The following ABCD3 variants were observed in gnomAD, a reference collection of about 807,000 sequenced individuals.
ABCD3 encodes ATP binding cassette subfamily D member 3.
ABCD3 carries 41 observed loss-of-function variants against 105.5 expected under a neutral mutation model. That is an observed-to-expected ratio of 0.39 (90% CI 0.30 to 0.50). The LOEUF (loss-of-function observed/expected upper bound fraction) is 0.50. ABCD3 is among the 20% of genes least tolerant of loss of function. The pLI is 0.84. For missense variants in ABCD3, 622 were observed against 806.3 expected, an observed-to-expected ratio of 0.77 and a Z score of 2.77; for synonymous variants, 258 against 269.0, an observed-to-expected ratio of 0.96 and a Z score of 0.40.
chr1:94,392,103 C>A, the ABCD3 span, among the ~76,000 whole-genome samples: 1 of 152,184 alleles, frequency 6.6e-6, no homozygotes, highest in African/African-American at 2.4e-5. Flanking sequence ...AGACCCTATT[C>A]TCCTGCCTCT....
At chr1:94,511,531 G>A (rs1650671861) in intron 21 of ABCD3, among the ~76,000 whole-genome samples, 1 of 152,060 alleles carries the variant, frequency 6.6e-6, no homozygotes, top group African/African-American at 2.4e-5. Flanking sequence ...GAATCTGAAC[G>A]TTGGCCTGCC....
At chr1:94,444,354 G>T (rs1178574911) in intron 1 of ABCD3, among the ~76,000 whole-genome samples, 4 of 132,336 alleles carry the variant, frequency 3.0e-5, no homozygotes, top group African/African-American at 1.1e-4. Flanking sequence ...AAAAAAAAAT[G>T]GAGTCCCACT....
intron 20 of ABCD3, among the ~76,000 whole-genome samples, chr1:94,504,813 T>C (rs1468926877): frequency 6.6e-6 from 1 of 152,188 alleles, no homozygotes; most frequent in Non-Finnish European, 1.5e-5. Flanking sequence ...GGTAGGAGGC[T>C]ACTTGTAGTC....
Position 94,511,332 on chromosome 1 carries a change from T to G in ABCD3, c.1846-3814T>G, listed in dbSNP as rs1363276183. On this transcript the variant is annotated intron_variant, in intron 21 of 22. Coordinates refer to ENST00000370214, the MANE Select transcript of ABCD3 (RefSeq NM_002858.4). ...TTGAATATTGTCCCCCACTCTCTTC[T>G]GGCTTGTAGGGTTTCTGCCGAGAGA... 2.0e-5 allele frequency among the ~76,000 whole-genome samples: 3 copies of G among 152,206 alleles called. No individual in the cohort carries two copies. The East Asian group carries it at 5.8e-4, about 29-fold the overall frequency.
At chr1:94,475,880 A>G (rs1397246822) in intron 7 of ABCD3, 143 bp downstream of exon 7, 1 of 670,436 alleles carries the variant, frequency 1.5e-6, no homozygotes, top group East Asian at 3.0e-5. Context: ...GAGTTGTTGT[A>G]ATAGTTTTAA....
intron 16 of ABCD3, among the ~76,000 whole-genome samples, chr1:94,497,504 T>C (rs1570820944): frequency 1.3e-5 from 2 of 152,344 alleles, no homozygotes; most frequent in Middle Eastern, 3.4e-3. Flanking sequence ...GCTAGAATTA[T>C]AGCTAAGATT....
chr1:94,439,181 G>C (rs974135428), intron 1 of ABCD3, among the ~76,000 whole-genome samples: 3 of 152,260 alleles, frequency 2.0e-5, no homozygotes, highest in South Asian at 4.1e-4. Flanking sequence ...TTGTCTGGAT[G>C]TAAAATCCTA....
chr1:94,411,378 CA>C, the ABCD3 span, among the ~76,000 whole-genome samples: 1 of 152,064 alleles, frequency 6.6e-6, no homozygotes, highest in South Asian at 2.1e-4. Flanking sequence ...AAAAGATGCT[CA>C]AAATCATTAG....
Position 94,452,984 on chromosome 1 carries a change from C to T in ABCD3, c.111-5623C>T, listed in dbSNP as rs569355982. On this transcript the variant is annotated intron_variant, in intron 1 of 22. Transcript: ENST00000370214. The stretch of plus-strand genomic sequence containing the variant: ...AACTCCTGGCCTCAAGTGATCCGCC[C>T]GCCTCTGCCTTCCAAAGCACTGGGA... 3.7e-4 allele frequency among the ~76,000 whole-genome samples: 57 copies of T among 152,260 alleles called. 1 individual carries two copies. Among genetic ancestry groups the T allele is most frequent in the Middle Eastern group, 3.4e-3 (1 of 294 alleles).
intron 21 of ABCD3, among the ~76,000 whole-genome samples, chr1:94,508,534 C>T (rs867843554): frequency 0.013 from 1,888 of 151,040 alleles, 41 homozygotes; most frequent in African/African-American, 0.044. Context: ...TGAAGAAAGT[C>T]ATTGGTAGCT....
At position 94,487,980 on chromosome 1, in the gene ABCD3, C is replaced by A. The variant is rs773503655; in HGVS notation, c.1154C>A (p.Ala385Asp). The part of the protein sequence containing the change: ...VLAGREMTRL[A>D]GFTARITELM... ...GCTGGGCGTGAAATGACTAGATTGG[C>A]CGGGTAAGATTAGTAATAATGAGCT... The change falls in exon 13 of 23, where the codon GCC becomes GAC. Residue 385 changes from alanine (A) to aspartate (D), a missense_variant. Physicochemically the swap from Ala to Asp is moderately radical, Grantham distance 126. Transcript: ENST00000370214. 1 of 1,611,394 alleles carries A rather than the reference C, an allele frequency of 6.2e-7. No homozygotes were observed. The highest frequency in any genetic ancestry group is 1.1e-5 in the South Asian group (1 of 90,874).
At position 94,485,509 on chromosome 1, in the gene ABCD3, A is replaced by T. The variant is rs1054175763; in HGVS notation, c.898-2033A>T. Reference sequence around the variant, plus strand: ...TCACTGGTAGAATGCATTTAAGGTAATTTTTCAGGGGCCTGCAGTTCACCA... The same window carrying T: ...TCACTGGTAGAATGCATTTAAGGTATTTTTTCAGGGGCCTGCAGTTCACCA... On this transcript the variant is annotated intron_variant, in intron 10 of 22. Coordinates refer to ENST00000370214, the MANE Select transcript of ABCD3 (RefSeq NM_002858.4). 2.0e-5 allele frequency among the ~76,000 whole-genome samples: 3 copies of T among 152,120 alleles called. 1 individual carries two copies. The South Asian group carries it at 6.2e-4, about 32-fold the overall frequency.
intron 2 of ABCD3, among the ~76,000 whole-genome samples, chr1:94,464,553 G>A (rs112356651): frequency 2.4e-4 from 36 of 151,890 alleles, no homozygotes; most frequent in African/African-American, 8.7e-4. Context: ...CCAGATAATT[G>A]TGTGGTTCCA....
Position 94,447,037 on chromosome 1 carries a change from G to A in ABCD3, c.111-11570G>A, listed in dbSNP as rs149616382. Among the ~76,000 whole-genome samples, 10 of 152,240 alleles carry A rather than the reference G, an allele frequency of 6.6e-5. No individual in the cohort carries two copies. The East Asian group carries it at 1.5e-3, about 24-fold the overall frequency. The stretch of plus-strand genomic sequence containing the variant: ...AAAATTTGCAAGATTTGAAGGAACC[G>A]CTTTAAGCGGAAAGACAAAGTTCCT... On this transcript the variant is annotated intron_variant, in intron 1 of 22. Transcript: ENST00000370214.
At chr1:94,425,151 C>T (rs1363047728) in intron 1 of ABCD3, among the ~76,000 whole-genome samples, 1 of 152,154 alleles carries the variant, frequency 6.6e-6, no homozygotes, top group Non-Finnish European at 1.5e-5. Context: ...AAAATGCTAT[C>T]ATCACCTGCT....
intron 20 of ABCD3, among the ~76,000 whole-genome samples, chr1:94,504,390 T>TTATATATGAAGTGCTTCAG: frequency 6.6e-6 from 1 of 152,140 alleles, no homozygotes; most frequent in African/African-American, 2.4e-5. Context: ...AGTGCTGGGA[T>TTATATATGAAGTGCTTCAG]TATATATGAA....
chr1:94,453,351 C>T (rs1424945287), intron 1 of ABCD3, among the ~76,000 whole-genome samples: 3 of 145,614 alleles, frequency 2.1e-5, no homozygotes, highest in African/African-American at 5.1e-5. Context: ...GATGGAGTCT[C>T]GCTGTCGCCC....
the ABCD3 span, among the ~76,000 whole-genome samples, chr1:94,405,793 C>T: frequency 6.6e-6 from 1 of 151,742 alleles, no homozygotes; most frequent in East Asian, 1.9e-4. Context: ...GGTCTTTTTC[C>T]TTAAGTTTTA....
At chr1:94,499,708 C>T (rs751187909) in intron 20 of ABCD3, 94 bp downstream of exon 20, 5 of 1,492,702 alleles carry the variant, frequency 3.3e-6, no homozygotes, top group Non-Finnish European at 3.7e-6. Flanking sequence ...TTTTTTTATT[C>T]AGCAGCTGTT....
Sources: gnomAD v4.1 joint callset for allele counts (sites outside exome capture counted in the v4.1 genomes callset) on GRCh38, gnomAD v4.1.1 for gene constraint, MANE v1.5 for transcripts, NCBI Gene and HGNC (gene_info 2026-07-23, HGNC 2026-07-21) for gene names.